EGFR: variants seen among roughly 807,000 people sequenced by gnomAD.
The protein encoded by EGFR is epidermal growth factor receptor.
In EGFR, 58 loss-of-function variants were observed where a neutral mutation model predicts 143.0. The ratio of observed to expected loss-of-function variants is 0.41; its 90% CI spans 0.33 to 0.50. The LOEUF is 0.50. Ranked by LOEUF, EGFR falls within the 20% of genes least tolerant of loss-of-function variation. The pLI, the probability that EGFR is intolerant of heterozygous loss-of-function variation, is 0.39. For synonymous variants in EGFR, 613 were observed against 594.4 expected (o/e 1.03, Z -0.45); for missense variants, 1,307 against 1,579.0 (o/e 0.83, Z 2.92).
chr7:55,129,743 T>C (rs1201347702), intron 1 of EGFR, among the ~76,000 whole-genome samples: 1 of 152,202 alleles, frequency 6.6e-6, no homozygotes, highest in African/African-American at 2.4e-5. Flanking sequence ...ATTTAGCTGA[T>C]GATGAAATAG....
chr7:55,151,007 C>T (rs1423470289), intron 4 of EGFR, among the ~76,000 whole-genome samples: 1 of 152,204 alleles, frequency 6.6e-6, no homozygotes, highest in Non-Finnish European at 1.5e-5. Context: ...AGATTGTAAA[C>T]AAGGAACCTC....
At chr7:55,095,713 TACAC>T (rs1791422164) in intron 1 of EGFR, among the ~76,000 whole-genome samples, 4 of 77,356 alleles carry the variant, frequency 5.2e-5, no homozygotes, top group African/African-American at 1.7e-4. Context: ...CACACAGAGA[TACAC>T]ACAGACACAC....
intron 27 of EGFR, among the ~76,000 whole-genome samples, chr7:55,204,477 CCA>C (rs913604782): frequency 2.7e-5 from 4 of 148,322 alleles, no homozygotes; most frequent in Admixed American, 6.7e-5. Context: ...AATACACACA[CCA>C]CACACACACC....
rs1373423544 is a variant in EGFR, at chr7:55,174,791, T to A, written c.2254T>A (p.Ser752Thr). ...VAIKELREAT[S>T]PKANKEILDE... ...TATCAAGGAATTAAGAGAAGCAACA[T>A]CTCCGAAAGCCAACAAGGAAATCCT... Residue 752 changes from serine to threonine, a missense_variant, in exon 19 of 28, where the codon TCT becomes ACT. Ser to Thr is a moderately conservative substitution (Grantham distance 58). Coordinates refer to ENST00000275493, the MANE Select transcript of EGFR (RefSeq NM_005228.5). 6.2e-7 allele frequency: 1 copy of A among 1,614,062 alleles called. No homozygotes were observed. The highest frequency in any genetic ancestry group is 8.5e-7 in the Non-Finnish European group (1 of 1,179,958).
chr7:55,131,389 G>A (rs1381489003), intron 1 of EGFR, among the ~76,000 whole-genome samples: 8 of 151,610 alleles, frequency 5.3e-5, no homozygotes, highest in African/African-American at 1.9e-4. Context: ...CTTGAAAAAA[G>A]CAAGCAGTGG....
At position 55,110,895 on chromosome 7, in the gene EGFR, A is replaced by G. The variant is rs532136373; in HGVS notation, c.89-31391A>G. Among the ~76,000 whole-genome samples, 6 of 152,230 alleles carry G rather than the reference A, an allele frequency of 3.9e-5. 1 individual carries two copies. The South Asian group carries it at 1.2e-3, about 32-fold the overall frequency. On this transcript the variant is annotated intron_variant, in intron 1 of 27. Coordinates refer to ENST00000275493, the MANE Select transcript of EGFR (RefSeq NM_005228.5). ...CAAGATGGGAGTGATTTCATTTTCC[A>G]TTGACACTATGCAGAAATGAAGGGG...
intron 15 of EGFR, 75 bp from the exon 16 acceptor site, chr7:55,171,100 T>G: frequency 2.5e-6 from 4 of 1,602,418 alleles, no homozygotes; most frequent in Non-Finnish European, 2.6e-6. Context: ...CTTTATGATT[T>G]AATTAAAAAT....
At chr7:55,040,210 C>T (rs1021376508) in intron 1 of EGFR, among the ~76,000 whole-genome samples, 1 of 152,152 alleles carries the variant, frequency 6.6e-6, no homozygotes, top group Non-Finnish European at 1.5e-5. Context: ...GGAGGATCCC[C>T]CACCCGCAGC....
rs17337451 is a variant in EGFR at position 55,200,351 on chromosome 7, C to A, written c.2884C>A (p.Arg962Ser). The change falls in exon 24 of 28, where the codon CGT (arginine) becomes AGT (serine). Residue 962 changes from arginine (R) to serine (S), a missense_variant. Coordinates refer to ENST00000275493, the MANE Select transcript of EGFR (RefSeq NM_005228.5). ...AGACGCAGATAGTCGCCCAAAGTTC[C>A]GTGAGTTGATCATCGAATTCTCCAA... Reference protein sequence around the residue: ...MIDADSRPKFRELIIEFSKMA... With the variant: ...MIDADSRPKFSELIIEFSKMA... The A allele has an allele frequency of 4.3e-6, 7 of 1,614,152 alleles. No homozygotes were observed. Among genetic ancestry groups the A allele is most frequent in the Non-Finnish European group, 5.1e-6 (6 of 1,180,018 alleles).
chr7:55,028,974 A>G (rs2128861533), intron 1 of EGFR, among the ~76,000 whole-genome samples: 1 of 152,108 alleles, frequency 6.6e-6, no homozygotes, highest in South Asian at 2.1e-4. Flanking sequence ...CCTGACCAAC[A>G]TGGTGAAACC....
At chr7:55,149,962 T>C (rs993958869) in intron 4 of EGFR, among the ~76,000 whole-genome samples, 1 of 152,228 alleles carries the variant, frequency 6.6e-6, no homozygotes, top group African/African-American at 2.4e-5. Flanking sequence ...CTTATATGTC[T>C]ATATTGATTA....
chr7:55,068,447 G>T (rs527862514), intron 1 of EGFR, among the ~76,000 whole-genome samples: 1 of 152,292 alleles, frequency 6.6e-6, no homozygotes, highest in South Asian at 2.1e-4. Context: ...TCTGGTAGTA[G>T]CAGCTCCAGA....
At chr7:55,166,321 T>A (rs1207027980) in intron 15 of EGFR, 1 of 574,026 alleles carries the variant, frequency 1.7e-6, no homozygotes, top group Non-Finnish European at 3.4e-6. Context: ...TACTTCTGTT[T>A]CTCAAAATCC....
intron 1 of EGFR, among the ~76,000 whole-genome samples, chr7:55,093,474 T>C (rs7787060): frequency 0.71 from 107,515 of 152,132 alleles, 38,355 homozygotes; most frequent in East Asian, 0.97. Flanking sequence ...AGCGAATTCA[T>C]GCCCTCCCTC....
At chr7:55,178,410 C>T (rs924586275) in intron 19 of EGFR, among the ~76,000 whole-genome samples, 1 of 152,228 alleles carries the variant, frequency 6.6e-6, no homozygotes, top group Non-Finnish European at 1.5e-5. Context: ...CGTCTAAAGT[C>T]TGTTAACTGG....
At chr7:55,184,885 T>C (rs992011069) in intron 20 of EGFR, among the ~76,000 whole-genome samples, 1 of 152,236 alleles carries the variant, frequency 6.6e-6, no homozygotes, top group African/African-American at 2.4e-5. Context: ...ACAATGTATC[T>C]GAGTATTAAA....
chr7:55,132,841 G>A (rs1168143597), intron 1 of EGFR, among the ~76,000 whole-genome samples: 1 of 152,170 alleles, frequency 6.6e-6, no homozygotes, highest in African/African-American at 2.4e-5. Context: ...TAGATATGTT[G>A]TAGTTGAATT....
chr7:55,059,263 T>C (rs1345484938), intron 1 of EGFR, among the ~76,000 whole-genome samples: 1 of 152,236 alleles, frequency 6.6e-6, no homozygotes, highest in Non-Finnish European at 1.5e-5. Context: ...AGAGTTGAAA[T>C]AAAGAGTGAA....
At chr7:55,087,483 C>G (rs903116172) in intron 1 of EGFR, among the ~76,000 whole-genome samples, 2 of 152,108 alleles carry the variant, frequency 1.3e-5, no homozygotes, top group South Asian at 4.2e-4. Flanking sequence ...TCTATGCACC[C>G]GAAGGGATAA....
Sources: gnomAD v4.1 joint callset for allele counts (sites outside exome capture counted in the v4.1 genomes callset) on GRCh38, gnomAD v4.1.1 for gene constraint, MANE v1.5 for transcripts, NCBI Gene and HGNC (gene_info 2026-07-23, HGNC 2026-07-21) for gene names.